The following CYTH1 variants were observed in gnomAD, a reference collection of about 807,000 sequenced individuals.
CYTH1 encodes the protein cytohesin-1.
A neutral mutation model predicts 61.8 loss-of-function variants in CYTH1; 18 were observed. The ratio of observed to expected loss-of-function variants is 0.29; its 90% confidence interval spans 0.20 to 0.43. The LOEUF is 0.43. Ranked by LOEUF, CYTH1 falls within the 20% of genes least tolerant of loss-of-function variation. CYTH1 has a pLI of 1.00. For missense variants in CYTH1, 336 were observed against 510.5 expected (o/e 0.66, Z 3.29); for synonymous variants, 174 against 184.3 (o/e 0.94, Z 0.45).
rs73389885 is a variant in CYTH1, at chr17:78,774,892, A to G, written c.22+7310T>C. Among the ~76,000 whole-genome samples, 433 of 152,334 alleles carry G rather than the reference A, an allele frequency of 2.8e-3. 1 individual carries two copies. Among genetic ancestry groups the G allele is most frequent in the African/African-American group, 9.9e-3 (413 of 41,584 alleles). Reference sequence around the variant, plus strand: ...TATGCCTGTGAGAAAACTCCTTTCCATGAAAACACAGAAGAAACTACTCTC... The same window carrying G: ...TATGCCTGTGAGAAAACTCCTTTCCGTGAAAACACAGAAGAAACTACTCTC... On this transcript the variant is annotated intron_variant, in intron 1 of 13. Transcript: ENST00000446868.
intron 1 of CYTH1, 28 bp from the exon 2 acceptor site, chr17:78,709,760 G>C: frequency 6.2e-7 from 1 of 1,610,338 alleles, no homozygotes; most frequent in East Asian, 2.2e-5. Context: ...AATGTTACAA[G>C]AAAGCTTTTA....
At chr17:78,720,346 T>C (rs1030997002) in intron 1 of CYTH1, among the ~76,000 whole-genome samples, 2 of 152,044 alleles carry the variant, frequency 1.3e-5, no homozygotes, top group Non-Finnish European at 2.9e-5. Flanking sequence ...TGAGATGGAG[T>C]CTTGCTCTGT....
chr17:78,757,538 T>C (rs1446198904), intron 1 of CYTH1, among the ~76,000 whole-genome samples: 1 of 152,128 alleles, frequency 6.6e-6, no homozygotes, highest in Non-Finnish European at 1.5e-5. Context: ...CCCATTCTAA[T>C]ACATGTAAAC....
At chr17:78,781,000 A>G (rs902167930) in intron 1 of CYTH1, among the ~76,000 whole-genome samples, 2 of 151,838 alleles carry the variant, frequency 1.3e-5, no homozygotes, top group African/African-American at 4.8e-5. Context: ...ACAGAGTGAG[A>G]CTCCGTTTCA....
intron 1 of CYTH1, among the ~76,000 whole-genome samples, chr17:78,713,088 T>A (rs11653708): frequency 0.14 from 20,889 of 147,244 alleles, 1,841 homozygotes; most frequent in Non-Finnish European, 0.2. Context: ...CATTAAAAAA[T>A]ATATATATAT....
In CYTH1 at chr17:78,718,218, T is replaced by TACACACACACAC. The variant is rs55803104; in HGVS notation, c.23-8498_23-8487dup. Among the ~76,000 whole-genome samples the TACACACACACAC allele has an allele frequency of 3.6e-3, 457 of 128,386 alleles. 7 individuals are homozygous for TACACACACACAC. Among genetic ancestry groups the TACACACACACAC allele is most frequent in the African/African-American group, 0.01 (329 of 32,328 alleles). 84.2% of individuals were successfully genotyped at this position (128,386 alleles called of 152,430 possible). Reference sequence around the variant, plus strand: ...ACCTGGAAGTTTCATAAACACTGAATACACACACACACACACACACACACA... The same window carrying TACACACACACAC: ...ACCTGGAAGTTTCATAAACACTGAATACACACACACACACACACACACACACACACACACACA... On this transcript the variant is annotated intron_variant, in intron 1 of 13. Transcript: ENST00000446868.
intron 1 of CYTH1, among the ~76,000 whole-genome samples, chr17:78,721,900 A>G (rs2093232217): frequency 6.6e-6 from 1 of 152,168 alleles, no homozygotes; most frequent in South Asian, 2.1e-4. Context: ...ATACAAAATT[A>G]GCCAGGCATG....
chr17:78,767,074 G>GT (rs2093451713), intron 1 of CYTH1, among the ~76,000 whole-genome samples: 1 of 152,234 alleles, frequency 6.6e-6, no homozygotes, highest in Non-Finnish European at 1.5e-5. Flanking sequence ...GCAGCAAGCA[G>GT]TTAACTGCTA....
At chr17:78,716,383 T>C (rs912538004) in intron 1 of CYTH1, among the ~76,000 whole-genome samples, 2 of 152,220 alleles carry the variant, frequency 1.3e-5, no homozygotes, top group Non-Finnish European at 2.9e-5. Flanking sequence ...CTATGGTCAC[T>C]AGAAAAGATA....
At chr17:78,722,399 C>G (rs2093236399) in intron 1 of CYTH1, among the ~76,000 whole-genome samples, 1 of 152,180 alleles carries the variant, frequency 6.6e-6, no homozygotes, top group Admixed American at 6.5e-5. Context: ...GCCCTAGCCT[C>G]CTTGAGCCAA....
At position 78,690,255 on chromosome 17, in the gene CYTH1, C is replaced by T. The variant is rs192240435; in HGVS notation, c.891+2162G>A. On this transcript the variant is annotated intron_variant, in intron 11 of 13. Coordinates refer to ENST00000446868, the MANE Select transcript of CYTH1 (RefSeq NM_004762.6). Reference sequence around the variant, plus strand: ...CTAAAAATACAAAAAATTAGCTGGGCGTGGCAGCAGCGCCTGTAGTCCCAG... The same window carrying T: ...CTAAAAATACAAAAAATTAGCTGGGTGTGGCAGCAGCGCCTGTAGTCCCAG... Among the ~76,000 whole-genome samples the T allele has an allele frequency of 3.0e-3, 461 of 151,392 alleles. 1 individual carries two copies. The highest frequency in any genetic ancestry group is 0.011 in the African/African-American group (446 of 41,306).
intron 1 of CYTH1, chr17:78,723,646 C>T (rs1046084351): frequency 1.3e-5 from 2 of 152,548 alleles, no homozygotes; most frequent in Non-Finnish European, 2.9e-5. Flanking sequence ...CCCGGCCTCC[C>T]GGGGGGGAGG....
At chr17:78,683,706 G>A (rs937569486) in intron 11 of CYTH1, among the ~76,000 whole-genome samples, 1 of 152,250 alleles carries the variant, frequency 6.6e-6, no homozygotes, top group Non-Finnish European at 1.5e-5. Flanking sequence ...TCTCCTGTGA[G>A]CGAGCACTCA....
intron 3 of CYTH1, among the ~76,000 whole-genome samples, chr17:78,703,411 CAA>C (rs67437891): frequency 0.013 from 899 of 69,692 alleles, 3 homozygotes; most frequent in African/African-American, 0.049. Flanking sequence ...ACTCCGTCTC[CAA>C]AAAAAAAAAA....
At chr17:78,747,170 A>AAC (rs1567872924) in intron 1 of CYTH1, among the ~76,000 whole-genome samples, 2 of 149,020 alleles carry the variant, frequency 1.3e-5, no homozygotes, top group African/African-American at 5.0e-5. Flanking sequence ...AAAAAAAAAA[A>AAC]GAAAAAACTA....
At chr17:78,744,134 A>AT (rs1198960853) in intron 1 of CYTH1, among the ~76,000 whole-genome samples, 2 of 152,076 alleles carry the variant, frequency 1.3e-5, no homozygotes, top group East Asian at 1.9e-4. Flanking sequence ...ATAAATATAG[A>AT]TTTTCACTCG....
At chr17:78,732,663 T>C (rs754857598) in intron 1 of CYTH1, among the ~76,000 whole-genome samples, 4 of 152,104 alleles carry the variant, frequency 2.6e-5, no homozygotes, top group Non-Finnish European at 5.9e-5. Flanking sequence ...ACAAAATCCA[T>C]AAGGAAGGGA....
chr17:78,709,594 A>C, intron 2 of CYTH1, 56 bp downstream of exon 2: 1 of 1,588,486 alleles, frequency 6.3e-7, no homozygotes, highest in South Asian at 1.1e-5. Context: ...CTTTCATACA[A>C]ATGGAACTGT....
Position 78,680,991 on chromosome 17 carries a change from C to T in CYTH1, c.943G>A (p.Val315Met). ...CTCACTGGTTTTTTGGAGTCCTCCACTTCCCGGATACTCAGATTCTCTAAA... is the reference window on the plus strand; with the variant it reads ...CTCACTGGTTTTTTGGAGTCCTCCATTTCCCGGATACTCAGATTCTCTAAA... ...IPLENLSIRE[V>M]EDSKKPNCFE... The change falls in exon 12 of 14, where the codon GTG becomes ATG. Residue 315 changes from valine (V) to methionine (M), a missense_variant. By Grantham distance (21) the Val-to-Met change is conservative. Around this residue, in one of 4 missense-constraint regions of CYTH1, gnomAD observed 83 missense variants for 115.6 expected, o/e 0.72. Transcript: ENST00000446868. 1 of 1,614,178 alleles carries T rather than the reference C, an allele frequency of 6.2e-7. No homozygotes were observed. The highest frequency in any genetic ancestry group is 8.5e-7 in the Non-Finnish European group (1 of 1,180,034).
Sources: allele counts gnomAD v4.1 joint callset (sites outside exome capture counted in the v4.1 genomes callset), GRCh38; gene constraint gnomAD v4.1.1; regional missense constraint gnomAD v4.1.1; transcripts MANE v1.5; gene names NCBI Gene and HGNC (gene_info 2026-07-23, HGNC 2026-07-21).